Variants in PCDHA2 observed in about 807,000 individuals in gnomAD.
PCDHA2 encodes protocadherin alpha 2.
In PCDHA2, 58 loss-of-function variants were observed where a neutral mutation model predicts 66.0. The observed-to-expected ratio is 0.88, with a 90% confidence interval of 0.71 to 1.09. The LOEUF is 1.09. Ranked by LOEUF, PCDHA2 falls within the 50% of genes least tolerant of loss-of-function variation. The pLI is 0.00. For synonymous variants in PCDHA2, 634 were observed against 554.0 expected, an observed-to-expected ratio of 1.14 and a Z score of -2.03; for missense variants, 1,267 against 1,242.3, an observed-to-expected ratio of 1.02 and a Z score of -0.30.
In PCDHA2 at chr5:140,852,902, A is replaced by ATG. The variant is rs1554146177; in HGVS notation, c.2388+55550_2388+55551insTG. The stretch of plus-strand genomic sequence containing the variant: ...TAAAACGTATTTTTTTTTTTGAGTC[A>ATG]GAGTCTCGCTCTGTTGCCCAGGCTG... On this transcript the variant is annotated intron_variant, in intron 1 of 3. Transcript: ENST00000526136. 5.3e-4 allele frequency: 438 copies of ATG among 830,724 alleles called. 11 individuals carry two copies. In the South Asian group the frequency reaches 0.021, roughly 39 times the overall value. 51.5% of individuals were successfully genotyped at this position (830,724 alleles called of 1,614,324 possible).
chr5:140,863,086 A>T, intron 1 of PCDHA2: 3 of 573,948 alleles, frequency 5.2e-6, no homozygotes, highest in South Asian at 4.1e-5. Flanking sequence ...GGGCGAGATC[A>T]GCACGACGAG....
chr5:140,982,992 A>G (rs1413932820), intron 3 of PCDHA2, among the ~76,000 whole-genome samples: 1 of 151,958 alleles, frequency 6.6e-6, no homozygotes, highest in African/African-American at 2.4e-5. Flanking sequence ...GAGAAAAAGA[A>G]GGAAAGAAAG....
At chr5:140,809,012 T>A (rs1225926404) in intron 1 of PCDHA2, 1 of 1,613,674 alleles carries the variant, frequency 6.2e-7, no homozygotes, top group Non-Finnish European at 8.5e-7. Context: ...GTGGCTTTCG[T>A]ACGAGCTGCA....
chr5:140,964,099 C>T (rs2095809950), intron 1 of PCDHA2, among the ~76,000 whole-genome samples: 1 of 152,142 alleles, frequency 6.6e-6, no homozygotes, highest in South Asian at 2.1e-4. Flanking sequence ...TAATTAACAA[C>T]AGTCTGAGCA....
chr5:140,982,447 C>T (rs782801484), intron 2 of PCDHA2, 28 bp from the exon 3 acceptor site: 5 of 1,613,664 alleles, frequency 3.1e-6, no homozygotes, highest in Admixed American at 3.3e-5. Flanking sequence ...ATGATCTAAC[C>T]GTTATCTGGG....
At chr5:140,884,509 T>C (rs781917095) in intron 1 of PCDHA2, 3 of 1,612,704 alleles carry the variant, frequency 1.9e-6, no homozygotes, top group Non-Finnish European at 1.7e-6. Flanking sequence ...CGGCAGGGAG[T>C]TGGTCGTACT....
chr5:140,874,673 TG>T (rs1192690253), intron 1 of PCDHA2, among the ~76,000 whole-genome samples: 4 of 152,260 alleles, frequency 2.6e-5, no homozygotes, highest in African/African-American at 9.6e-5. Context: ...AATCTATTCC[TG>T]AGATTTGTTT....
chr5:140,846,015 G>C (rs567874372), intron 1 of PCDHA2, among the ~76,000 whole-genome samples: 1 of 149,618 alleles, frequency 6.7e-6, no homozygotes, highest in South Asian at 2.1e-4. Flanking sequence ...AAATCTAAAA[G>C]TTATTACGAG....
chr5:140,862,992 C>T (rs781974665), intron 1 of PCDHA2: 29 of 548,250 alleles, frequency 5.3e-5, no homozygotes, highest in South Asian at 3.7e-4. Context: ...AAGGTGCGCA[C>T]GGTGGACTCC....
chr5:140,824,612 T>TTTG (rs1562279387), intron 1 of PCDHA2: 3 of 117,268 alleles, frequency 2.6e-5, no homozygotes, highest in African/African-American at 7.9e-5. Context: ...TAATTAAAGT[T>TTTG]TTTTTTTTTT....
chr5:140,836,101 C>G lies in PCDHA2; in HGVS notation c.2388+38749C>G, dbSNP rs1554135618. On this transcript the variant is annotated intron_variant, in intron 1 of 3. Transcript: ENST00000526136. ...CTGCTGGCGCCTCGGGTGGGTGGCA[C>G]TGGTGGCGCAGTGAGAGAGCTTGTG... 8 of 1,613,594 alleles carry G rather than the reference C, an allele frequency of 5.0e-6. No individual in the cohort carries two copies. In the Admixed American group the frequency reaches 1.3e-4, roughly 27 times the overall value.
intron 1 of PCDHA2, among the ~76,000 whole-genome samples, chr5:140,833,457 A>G (rs1304968349): frequency 2.0e-5 from 3 of 152,216 alleles, no homozygotes; most frequent in East Asian, 3.8e-4. Context: ...AATAAAATAA[A>G]CTTACATTTT....
chr5:140,801,613 A>T (rs902709557), intron 1 of PCDHA2: 3 of 1,613,912 alleles, frequency 1.9e-6, no homozygotes, highest in African/African-American at 2.7e-5. Context: ...GCTGTAAAGA[A>T]TCTGTTTATT....
chr5:140,915,626 GTCTC>G (rs57920489), intron 1 of PCDHA2, among the ~76,000 whole-genome samples: 182 of 146,478 alleles, frequency 1.2e-3, no homozygotes, highest in East Asian at 9.3e-3. Flanking sequence ...GTCTCTTTCT[GTCTC>G]TCTCTCTCTC....
chr5:140,965,527 A>G (rs2095909626), intron 1 of PCDHA2, among the ~76,000 whole-genome samples: 1 of 151,946 alleles, frequency 6.6e-6, no homozygotes, highest in Non-Finnish European at 1.5e-5. Flanking sequence ...CAAAGCATTA[A>G]TGGAATCCAA....
chr5:140,805,158 C>T, intron 1 of PCDHA2: 1 of 1,551,850 alleles, frequency 6.4e-7, no homozygotes, highest in South Asian at 1.2e-5. Flanking sequence ...ATTTTCACTT[C>T]ACAGATGTAC....
intron 1 of PCDHA2, chr5:140,817,339 T>C (rs1238360865): frequency 6.6e-6 from 1 of 152,278 alleles, no homozygotes; most frequent in Non-Finnish European, 1.5e-5. Context: ...TTACACTTGC[T>C]TGGAGCCCAG....
chr5:140,934,515 C>A (rs1163045974), intron 1 of PCDHA2, among the ~76,000 whole-genome samples: 1 of 152,214 alleles, frequency 6.6e-6, no homozygotes, highest in Admixed American at 6.5e-5. Context: ...GGTCCATAGA[C>A]CACACTTCGA....
At chr5:140,802,941 C>T (rs780506250) in intron 1 of PCDHA2, 11 of 1,613,848 alleles carry the variant, frequency 6.8e-6, no homozygotes, top group Non-Finnish European at 7.6e-6. Flanking sequence ...CGAGCTGGTG[C>T]CGCGGTCAGT....
Sources: allele counts gnomAD v4.1 joint callset (sites outside exome capture counted in the v4.1 genomes callset), GRCh38; gene constraint gnomAD v4.1.1; transcripts MANE v1.5; gene names NCBI Gene and HGNC (gene_info 2026-07-23, HGNC 2026-07-21).